The following EVC2 variants were observed in gnomAD, a reference collection of about 807,000 sequenced individuals.
The protein encoded by EVC2 is EvC ciliary complex subunit 2.
A neutral mutation model predicts 149.3 loss-of-function variants in EVC2; 148 were observed. The observed-to-expected ratio is 0.99, with a 90% confidence interval of 0.87 to 1.14. The LOEUF (loss-of-function observed/expected upper bound fraction) is 1.14, where lower values mean the gene tolerates loss of function less well. Ranked by LOEUF, EVC2 falls within the 50% of genes most tolerant of loss-of-function variation. The pLI is 0.00. For missense variants in EVC2, 1,854 were observed against 1,627.3 expected (o/e 1.14, Z -2.40); for synonymous variants, 776 against 649.9 (o/e 1.19, Z -2.95).
chr4:5,610,714 C>T (rs543321670), intron 16 of EVC2, among the ~76,000 whole-genome samples: 2 of 152,234 alleles, frequency 1.3e-5, no homozygotes, highest in East Asian at 3.9e-4. Flanking sequence ...GCCGGGCTCA[C>T]CTGCCTGGTT....
chr4:5,683,343 A>G (rs971694975), intron 6 of EVC2, among the ~76,000 whole-genome samples: 12 of 152,220 alleles, frequency 7.9e-5, no homozygotes, highest in Non-Finnish European at 1.2e-4. Context: ...AGATATGCAG[A>G]TAAGAGCCTA....
At chr4:5,647,159 G>A (rs1450836656) in intron 9 of EVC2, among the ~76,000 whole-genome samples, 1 of 152,132 alleles carries the variant, frequency 6.6e-6, no homozygotes, top group Non-Finnish European at 1.5e-5. Flanking sequence ...GTGACCTGTG[G>A]CGAGGATACC....
downstream of EVC2, among the ~76,000 whole-genome samples, chr4:5,561,437 C>A (rs114927366): frequency 0.014 from 2,095 of 152,348 alleles, 25 homozygotes; most frequent in Non-Finnish European, 0.023. Flanking sequence ...TCTCTTCTCT[C>A]CTGCATTCAA....
chr4:5,596,861 A>C (rs912457179), intron 16 of EVC2, among the ~76,000 whole-genome samples: 7 of 152,244 alleles, frequency 4.6e-5, no homozygotes, highest in African/African-American at 1.2e-4. Context: ...AAATACACGC[A>C]ATAAAAAATG....
At chr4:5,583,085 T>C (rs1711948261) in intron 17 of EVC2, among the ~76,000 whole-genome samples, 1 of 150,774 alleles carries the variant, frequency 6.6e-6, no homozygotes, top group Non-Finnish European at 1.5e-5. Context: ...CAGACTAATA[T>C]AAAGACATAT....
intron 16 of EVC2, among the ~76,000 whole-genome samples, chr4:5,601,574 G>C (rs1209909641): frequency 6.7e-6 from 1 of 150,136 alleles, no homozygotes; most frequent in African/African-American, 2.4e-5. Flanking sequence ...GAGAGTTCTA[G>C]AAAGACAAAT....
chr4:5,683,315 A>T (rs1033142490), intron 6 of EVC2, among the ~76,000 whole-genome samples: 1 of 152,204 alleles, frequency 6.6e-6, no homozygotes, highest in African/African-American at 2.4e-5. Flanking sequence ...ATTCTAGTAC[A>T]TTCTGCTGTG....
At chr4:5,565,381 T>C (rs1722213313) in intron 20 of EVC2, 22 bp from the exon 21 acceptor site, 7 of 1,611,960 alleles carry the variant, frequency 4.3e-6, no homozygotes, top group Non-Finnish European at 5.9e-6. Context: ...AAGGGAGTCT[T>C]ATAGTTTCAA....
At chr4:5,589,630 C>T (rs1315043399) in intron 16 of EVC2, among the ~76,000 whole-genome samples, 1 of 152,008 alleles carries the variant, frequency 6.6e-6, no homozygotes, top group African/African-American at 2.4e-5. Flanking sequence ...CCTTTTAGGG[C>T]AGTAACCTGG....
chr4:5,629,029 T>A (rs1338303033), intron 11 of EVC2, among the ~76,000 whole-genome samples: 1 of 152,178 alleles, frequency 6.6e-6, no homozygotes, highest in African/African-American at 2.4e-5. Flanking sequence ...TTATCCTTCA[T>A]CCATGCACGC....
rs762696562 is a variant in EVC2, at chr4:5,568,458, G to A, written c.3543C>T (p.Asp1181=). ...AESDGGAEQA[D]VGRRRKHQSW... ...ACGGCACTCACCTCCGCCTGCCCAC[G>A]TCGGCCTGCTCCGCTCCGCCATCGC... Residue 1181 remains aspartate, a synonymous_variant, in exon 20 of 22, where the codon GAC becomes GAT. Transcript: ENST00000344408. 22 of 1,562,830 alleles carry A rather than the reference G, an allele frequency of 1.4e-5. No individual in the cohort carries two copies. The highest frequency in any genetic ancestry group is 2.3e-4 in the Middle Eastern group (1 of 4,410).
chr4:5,692,215 A>G (rs113838162), intron 3 of EVC2, among the ~76,000 whole-genome samples: 16,922 of 152,094 alleles, frequency 0.11, 1,188 homozygotes, highest in Non-Finnish European at 0.16. Flanking sequence ...TTTTGTAGAG[A>G]TGGGGCCTTG....
intron 9 of EVC2, among the ~76,000 whole-genome samples, chr4:5,660,266 C>A (rs1379612412): frequency 6.6e-6 from 1 of 152,210 alleles, no homozygotes; most frequent in Non-Finnish European, 1.5e-5. Flanking sequence ...CAGCCCTGCA[C>A]TTACGAGGCT....
At chr4:5,544,954 C>A (rs932732089) in intron 21 of EVC2, among the ~76,000 whole-genome samples, 2 of 152,214 alleles carry the variant, frequency 1.3e-5, no homozygotes, top group Non-Finnish European at 2.9e-5. Flanking sequence ...ACAGCACTGG[C>A]ACTGCACCTC....
the EVC2 span, among the ~76,000 whole-genome samples, chr4:5,530,632 G>C: frequency 6.6e-6 from 1 of 152,076 alleles, no homozygotes; most frequent in African/African-American, 2.4e-5. Flanking sequence ...CATTAGGTTA[G>C]ACTTATTCAT....
intron 1 of EVC2, among the ~76,000 whole-genome samples, chr4:5,705,708 C>T (rs552742197): frequency 1.9e-4 from 29 of 152,258 alleles, no homozygotes; most frequent in Admixed American, 8.5e-4. Context: ...CAACATCACA[C>T]TTCCTGTCAC....
chr4:5,700,127 G>A lies in EVC2; in HGVS notation c.229-2480C>T, dbSNP rs200029412. ...TGCACTCAGGTATGGGTGACAGAGC[G>A]AGACTCCGTCTCAAAAAAAATAAAA... On this transcript the variant is annotated intron_variant, in intron 1 of 21. Coordinates refer to ENST00000344408, the MANE Select transcript of EVC2 (RefSeq NM_147127.5). Among the ~76,000 whole-genome samples the A allele has an allele frequency of 1.7e-3, 256 of 152,220 alleles. 1 individual carries two copies. Among genetic ancestry groups the A allele is most frequent in the African/African-American group, 5.7e-3 (235 of 41,560 alleles).
intron 10 of EVC2, among the ~76,000 whole-genome samples, chr4:5,638,542 T>A (rs35414581): frequency 0.062 from 9,449 of 152,126 alleles, 410 homozygotes; most frequent in South Asian, 0.095. Context: ...AGCACAGTCA[T>A]AGACTGGGCA....
chr4:5,631,650 A>G, intron 11 of EVC2, 143 bp downstream of exon 11: 2 of 1,186,036 alleles, frequency 1.7e-6, no homozygotes, highest in Non-Finnish European at 2.3e-6. Context: ...TGCTTACTGG[A>G]AACTCACACA....
Sources: allele counts gnomAD v4.1 joint callset (sites outside exome capture counted in the v4.1 genomes callset), GRCh38; gene constraint gnomAD v4.1.1; transcripts MANE v1.5; gene names NCBI Gene and HGNC (gene_info 2026-07-23, HGNC 2026-07-21).